PHYHIP: variants seen among roughly 807,000 people sequenced by gnomAD.
The protein encoded by PHYHIP is phytanoyl-CoA hydroxylase-interacting protein.
PHYHIP carries 7 observed loss-of-function variants against 26.1 expected under a neutral mutation model. The observed-to-expected ratio is 0.27, with a 90% CI of 0.15 to 0.50. The LOEUF (loss-of-function observed/expected upper bound fraction) is 0.50. Ranked by LOEUF, PHYHIP falls within the 20% of genes least tolerant of loss-of-function variation. PHYHIP has a pLI of 0.98. For synonymous variants in PHYHIP, 206 were observed against 183.4 expected (o/e 1.12, Z -1.00); for missense variants, 232 against 454.7 (o/e 0.51, Z 4.45).
In PHYHIP at chr8:22,226,957, C is replaced by T; in HGVS notation, c.234G>A (p.Leu78=). 6.2e-7 allele frequency: 1 copy of T among 1,614,040 alleles called. No homozygotes were observed. The highest frequency in any genetic ancestry group is 8.5e-7 in the Non-Finnish European group (1 of 1,180,010). ...CCACACTGTACTCCGTGCGGGGGCTCAGGAACCAGTGGCCTCTCACCGTCA... is the reference window on the plus strand; with the variant it reads ...CCACACTGTACTCCGTGCGGGGGCTTAGGAACCAGTGGCCTCTCACCGTCA... ...LPMTVRGHWF[L]SPRTEYSVAV... is the part of the protein sequence containing the mutation. Residue 78 remains leucine, a synonymous_variant, in exon 3 of 5, where the codon CTG becomes CTA. Coordinates refer to ENST00000454243, the MANE Select transcript of PHYHIP (RefSeq NM_014759.5).
At position 22,221,133 on chromosome 8, in the gene PHYHIP, A is replaced by G. The variant is rs1204718540; in HGVS notation, c.*220T>C. ...AGTCCAGCCCAGCTGCCAACTACAG[A>G]GGCTGAGAAGCCTTTCCATGTCCAC... On this transcript the variant is annotated 3_prime_UTR_variant, in exon 5 of 5. Coordinates refer to ENST00000454243, the MANE Select transcript of PHYHIP (RefSeq NM_014759.5). The surrounding 1 kb of genome is among the most constrained non-coding windows in gnomAD (Gnocchi z 7.9). 2 of 498,314 alleles carry G rather than the reference A, an allele frequency of 4.0e-6. No individual in the cohort carries two copies. The highest frequency in any genetic ancestry group is 7.1e-6 in the Non-Finnish European group (2 of 282,010). 30.9% of individuals were successfully genotyped at this position (498,314 alleles called of 1,614,324 possible).
chr8:22,223,700 T>G (rs980929650), intron 4 of PHYHIP: 11 of 152,790 alleles, frequency 7.2e-5, no homozygotes, highest in Admixed American at 7.2e-4. Flanking sequence ...CTACTCTGAC[T>G]GGAGGTCAGG....
rs974343480 is a variant in PHYHIP, at chr8:22,222,934, T to G, written c.459-1047A>C. Among the ~76,000 whole-genome samples, 19 of 152,142 alleles carry G rather than the reference T, an allele frequency of 1.2e-4. 1 individual carries two copies. Among genetic ancestry groups the G allele is most frequent in the Admixed American group, 4.6e-4 (7 of 15,282 alleles). ...GTCTTGAACTCTTGGGGTCAAGAGA[T>G]CCCATCTCGGCCTCCCAACGTGGTA... is the stretch of plus-strand genomic sequence containing the variant. On this transcript the variant is annotated intron_variant, in intron 4 of 4. Transcript: ENST00000454243.
chr8:22,226,055 T>C lies in PHYHIP; in HGVS notation c.340+796A>G, dbSNP rs552510029. On this transcript the variant is annotated intron_variant, in intron 3 of 4. Coordinates refer to ENST00000454243, the MANE Select transcript of PHYHIP (RefSeq NM_014759.5). ...TGAGTCGTGAGGGACCAAGCACACATAGGCCCACTGTTTGTTTGTGATGGA... is the reference window on the plus strand; with the variant it reads ...TGAGTCGTGAGGGACCAAGCACACACAGGCCCACTGTTTGTTTGTGATGGA... Among the ~76,000 whole-genome samples the C allele has an allele frequency of 2.4e-4, 37 of 152,216 alleles. No individual in the cohort carries two copies. The South Asian group carries it at 7.5e-3, about 31-fold the overall frequency.
At chr8:22,226,703 C>G (rs1586491804) in intron 3 of PHYHIP, 148 bp downstream of exon 3, 8 of 649,554 alleles carry the variant, frequency 1.2e-5, no homozygotes, top group Non-Finnish European at 2.0e-5. Flanking sequence ...GTGTCATGCC[C>G]GTGCATCTCC....
At chr8:22,223,897 G>A in intron 4 of PHYHIP, 1 of 233,068 alleles carries the variant, frequency 4.3e-6, no homozygotes, top group Non-Finnish European at 8.3e-6. Flanking sequence ...TTTGGCCCCA[G>A]GGCCTGAATC....
At chr8:22,222,168 C>T (rs778301398) in intron 4 of PHYHIP, among the ~76,000 whole-genome samples, 3 of 152,008 alleles carry the variant, frequency 2.0e-5, no homozygotes, top group Non-Finnish European at 4.4e-5. Context: ...AAAAACACGG[C>T]GGCTCATGAT....
intron 2 of PHYHIP, chr8:22,227,754 C>A (rs914751308): frequency 2.2e-6 from 1 of 457,456 alleles, no homozygotes; most frequent in Admixed American, 2.3e-5. Context: ...GGCTCCGCCC[C>A]GACCGAGGCC....
At chr8:22,226,829 G>C (rs941741133) in intron 3 of PHYHIP, 22 bp downstream of exon 3, 17 of 1,600,416 alleles carry the variant, frequency 1.1e-5, no homozygotes, top group Non-Finnish European at 1.4e-5. Flanking sequence ...AGCAGGACAG[G>C]GGTGTGATAG....
At chr8:22,228,933 G>A (rs1829813317) in intron 1 of PHYHIP, 1 of 152,710 alleles carries the variant, frequency 6.5e-6, no homozygotes, top group Non-Finnish European at 1.5e-5. Flanking sequence ...TGCCACGTTG[G>A]TGCATGTGGA....
intron 3 of PHYHIP, among the ~76,000 whole-genome samples, chr8:22,225,006 T>C (rs1161769670): frequency 1.3e-5 from 2 of 152,160 alleles, no homozygotes; most frequent in Non-Finnish European, 2.9e-5. Flanking sequence ...AAGATGCCCT[T>C]CCCTCTTTGT....
At chr8:22,226,134 A>G (rs1220923883) in intron 3 of PHYHIP, among the ~76,000 whole-genome samples, 2 of 152,188 alleles carry the variant, frequency 1.3e-5, no homozygotes, top group African/African-American at 2.4e-5. Flanking sequence ...ACCAGGGGCC[A>G]TTTTCCCAGG....
At chr8:22,222,972 T>C (rs1040583302) in intron 4 of PHYHIP, among the ~76,000 whole-genome samples, 1 of 152,292 alleles carries the variant, frequency 6.6e-6, no homozygotes, top group Non-Finnish European at 1.5e-5. Flanking sequence ...ATTACAGGCT[T>C]GAGCCACCAA....
chr8:22,230,100 T>C (rs1829836192), intron 1 of PHYHIP, among the ~76,000 whole-genome samples: 1 of 152,146 alleles, frequency 6.6e-6, no homozygotes, highest in Admixed American at 6.5e-5. Context: ...CCTACCATAA[T>C]AAACCAGTTT....
chr8:22,224,052 C>T, intron 4 of PHYHIP, 174 bp downstream of exon 4: 1 of 601,600 alleles, frequency 1.7e-6, no homozygotes, highest in Admixed American at 2.9e-5. Context: ...TGAGCCCAAT[C>T]CCCAAAGTAG....
At chr8:22,229,391 A>C (rs1043684025) in intron 1 of PHYHIP, among the ~76,000 whole-genome samples, 1 of 151,916 alleles carries the variant, frequency 6.6e-6, no homozygotes, top group African/African-American at 2.4e-5. Flanking sequence ...CTTTCAAGCA[A>C]CTGCATTTTC....
chr8:22,227,519 C>T, intron 2 of PHYHIP: 2 of 436,848 alleles, frequency 4.6e-6, no homozygotes, highest in Non-Finnish European at 9.2e-6. Context: ...GGTGAGTAAC[C>T]CACGCCGGTG....
intron 4 of PHYHIP, among the ~76,000 whole-genome samples, chr8:22,222,369 C>T (rs1271406011): frequency 2.0e-5 from 3 of 152,180 alleles, no homozygotes; most frequent in Admixed American, 6.5e-5. Flanking sequence ...TTCAGTCAAG[C>T]GTCTGCTCCC....
At chr8:22,230,665 C>A (rs1025572237) in intron 1 of PHYHIP, among the ~76,000 whole-genome samples, 2 of 152,250 alleles carry the variant, frequency 1.3e-5, no homozygotes, top group Admixed American at 6.5e-5. Context: ...TACACACATG[C>A]GCCAAGAGTG....
Sources: gnomAD v4.1 joint callset for allele counts (sites outside exome capture counted in the v4.1 genomes callset) on GRCh38, gnomAD v4.1.1 for gene constraint, Gnocchi (gnomAD v3.1) non-coding constraint, MANE v1.5 for transcripts, NCBI Gene and HGNC (gene_info 2026-07-23, HGNC 2026-07-21) for gene names.